DPP10: variants seen among roughly 807,000 people sequenced by gnomAD.
DPP10 encodes the protein dipeptidyl peptidase like 10.
A neutral mutation model predicts 120.9 loss-of-function variants in DPP10; 33 were observed. That is an observed-to-expected ratio of 0.27 (90% CI 0.21 to 0.37). The LOEUF (loss-of-function observed/expected upper bound fraction) is 0.37, where lower values mean the gene tolerates loss of function less well. DPP10 is among the 10% of genes least tolerant of loss of function. The pLI is 1.00. For missense variants in DPP10, 816 were observed against 942.8 expected, an observed-to-expected ratio of 0.87 and a Z score of 1.76; for synonymous variants, 337 against 326.1, an observed-to-expected ratio of 1.03 and a Z score of -0.36.
rs1158843071 is a variant in DPP10, at chr2:115,221,845, G to C, written c.61-87394G>C. Among the ~76,000 whole-genome samples the C allele has an allele frequency of 2.7e-5, 4 of 147,630 alleles. No homozygotes were observed. In the Admixed American group the frequency reaches 2.7e-4, roughly 10 times the overall value. On this transcript the variant is annotated intron_variant, in intron 1 of 25. Coordinates refer to ENST00000410059, the MANE Select transcript of DPP10 (RefSeq NM_020868.6). Reference sequence around the variant, plus strand: ...GGAAGCAAAACTAATAACCCCACATGGACAGCTGATTTCTGTGTTACTTCT... The same window carrying C: ...GGAAGCAAAACTAATAACCCCACATCGACAGCTGATTTCTGTGTTACTTCT...
At chr2:115,832,865 C>T (rs1234365861) in intron 21 of DPP10, among the ~76,000 whole-genome samples, 2 of 151,880 alleles carry the variant, frequency 1.3e-5, no homozygotes, top group East Asian at 3.9e-4. Context: ...AAGATGTTTC[C>T]GGTAGGCACC....
chr2:115,139,012 T>C (rs2050785868), intron 1 of DPP10, among the ~76,000 whole-genome samples: 1 of 152,192 alleles, frequency 6.6e-6, no homozygotes, highest in African/African-American at 2.4e-5. Context: ...CTGCTACATG[T>C]GATGCATGCA....
At chr2:114,642,581 C>T (rs1695793386) in intron 1 of DPP10, among the ~76,000 whole-genome samples, 1 of 151,882 alleles carries the variant, frequency 6.6e-6, no homozygotes, top group Non-Finnish European at 1.5e-5. Context: ...TATGTGCCCC[C>T]AGGCCATAGG....
chr2:114,673,484 C>T (rs1209872636), intron 1 of DPP10, among the ~76,000 whole-genome samples: 1 of 151,780 alleles, frequency 6.6e-6, no homozygotes, highest in Non-Finnish European at 1.5e-5. Flanking sequence ...GAGTCTTGCT[C>T]TGTCACCTAG....
At chr2:115,384,710 G>GAAA (rs2066780006) in intron 3 of DPP10, among the ~76,000 whole-genome samples, 1 of 135,120 alleles carries the variant, frequency 7.4e-6, no homozygotes, top group South Asian at 2.5e-4. Flanking sequence ...AAAGAAGAAA[G>GAAA]AAGAAGAAGA....
intron 1 of DPP10, among the ~76,000 whole-genome samples, chr2:115,108,039 TACCAGTGATTTACTC>T (rs752119297): frequency 2.6e-5 from 4 of 152,208 alleles, no homozygotes; most frequent in Non-Finnish European, 5.9e-5. Flanking sequence ...TCACCCAGAA[TACCAGTGATTTACTC>T]ACCCTTTTCA....
At chr2:115,428,887 A>C (rs1005621084) in intron 3 of DPP10, among the ~76,000 whole-genome samples, 1 of 152,240 alleles carries the variant, frequency 6.6e-6, no homozygotes, top group South Asian at 2.1e-4. Context: ...GCTGAATCGG[A>C]CCTTATATTT....
chr2:114,450,310 C>T (rs969049062), intron 1 of DPP10, among the ~76,000 whole-genome samples: 1 of 152,112 alleles, frequency 6.6e-6, no homozygotes, highest in African/African-American at 2.4e-5. Context: ...TATGTTCTTA[C>T]CTAATCGCCG....
chr2:115,814,447 C>T (rs1687000650), intron 19 of DPP10, among the ~76,000 whole-genome samples: 2 of 152,126 alleles, frequency 1.3e-5, no homozygotes, highest in South Asian at 2.1e-4. Context: ...TAAAGATAGA[C>T]TTGTCTACCA....
intron 5 of DPP10, among the ~76,000 whole-genome samples, chr2:115,660,652 T>G (rs983834347): frequency 7.5e-6 from 1 of 133,574 alleles, no homozygotes; most frequent in African/African-American, 2.9e-5. Context: ...TCTCTCTGTC[T>G]GGCTTTTTTT....
intron 1 of DPP10, among the ~76,000 whole-genome samples, chr2:114,748,884 A>G (rs1335134759): frequency 3.0e-5 from 3 of 101,114 alleles, no homozygotes; most frequent in African/African-American, 1.3e-4. Flanking sequence ...GTGTCTTTAT[A>G]GCAGCATGAT....
At chr2:114,714,223 A>G (rs1462571187) in intron 1 of DPP10, among the ~76,000 whole-genome samples, 1 of 152,030 alleles carries the variant, frequency 6.6e-6, no homozygotes, top group African/African-American at 2.4e-5. Flanking sequence ...CATGACAAGC[A>G]TGCTGGGTAT....
intron 3 of DPP10, among the ~76,000 whole-genome samples, chr2:115,445,633 T>C (rs1012490731): frequency 4.5e-4 from 69 of 152,116 alleles, no homozygotes; most frequent in Admixed American, 1.2e-3. Flanking sequence ...ATTTTGGGTA[T>C]CTGGTGGAAG....
chr2:115,752,955 C>T (rs552535391), intron 10 of DPP10, among the ~76,000 whole-genome samples: 4 of 152,000 alleles, frequency 2.6e-5, no homozygotes, highest in Admixed American at 2.6e-4. Flanking sequence ...ATGTATACAT[C>T]CATGTGAATA....
At chr2:114,812,714 T>TTTTG (rs113141883) in intron 1 of DPP10, among the ~76,000 whole-genome samples, 27 of 152,230 alleles carry the variant, frequency 1.8e-4, no homozygotes, top group East Asian at 1.7e-3. Flanking sequence ...CTCCACAGTC[T>TTTTG]TTTGTTTGTT....
chr2:115,503,081 T>C (rs148812727), intron 4 of DPP10, among the ~76,000 whole-genome samples: 10 of 152,224 alleles, frequency 6.6e-5, no homozygotes, highest in African/African-American at 2.4e-4. Flanking sequence ...TCTCTGAAAC[T>C]CTGTAAGCCT....
At chr2:115,075,199 A>T (rs1181335989) in intron 1 of DPP10, among the ~76,000 whole-genome samples, 1 of 152,238 alleles carries the variant, frequency 6.6e-6, no homozygotes, top group Non-Finnish European at 1.5e-5. Flanking sequence ...TGCTGATCAC[A>T]TTGGTGTTTG....
intron 1 of DPP10, among the ~76,000 whole-genome samples, chr2:115,179,812 A>G (rs1208220015): frequency 6.6e-6 from 1 of 152,174 alleles, no homozygotes; most frequent in Non-Finnish European, 1.5e-5. Flanking sequence ...CAGGAAGAAA[A>G]ATAGCAGCAT....
chr2:115,545,864 A>G (rs1207614106), intron 5 of DPP10, among the ~76,000 whole-genome samples: 1 of 152,110 alleles, frequency 6.6e-6, no homozygotes, highest in Non-Finnish European at 1.5e-5. Flanking sequence ...ACAGGAAGCT[A>G]CAGAGTCTCT....
Sources: gnomAD v4.1 joint callset for allele counts (sites outside exome capture counted in the v4.1 genomes callset) on GRCh38, gnomAD v4.1.1 for gene constraint, MANE v1.5 for transcripts, NCBI Gene and HGNC (gene_info 2026-07-23, HGNC 2026-07-21) for gene names.